GAN: variants seen among roughly 807,000 people sequenced by gnomAD.
The protein encoded by GAN is epididymis secretory sperm binding protein.
GAN carries 48 observed loss-of-function variants against 71.3 expected under a neutral mutation model. That is an observed-to-expected ratio of 0.67 (90% confidence interval 0.53 to 0.86). The LOEUF (loss-of-function observed/expected upper bound fraction) is 0.86, where lower values mean the gene tolerates loss of function less well. Ranked by LOEUF, GAN falls within the 40% of genes least tolerant of loss-of-function variation. GAN has a pLI of 0.00. For missense variants in GAN, 928 were observed against 770.1 expected, an observed-to-expected ratio of 1.21 and a Z score of -2.43; for synonymous variants, 386 against 276.8, an observed-to-expected ratio of 1.39 and a Z score of -3.92.
chr16:81,333,893 A>T (rs577006692), intron 1 of GAN, among the ~76,000 whole-genome samples: 1 of 152,200 alleles, frequency 6.6e-6, no homozygotes. Context: ...GTGCACGTCC[A>T]CAATCCTGGG....
chr16:81,337,634 T>C (rs1909807443), intron 1 of GAN, among the ~76,000 whole-genome samples: 1 of 152,238 alleles, frequency 6.6e-6, no homozygotes, highest in Admixed American at 6.5e-5. Flanking sequence ...CAATTTTAAT[T>C]ACTTACAAGT....
rs1904287185 is a variant in GAN, at chr16:81,377,815, T to G, written c.*219T>G. 1.7e-6 allele frequency: 1 copy of G among 587,732 alleles called. No individual in the cohort carries two copies. Among genetic ancestry groups the G allele is most frequent in the Non-Finnish European group, 3.0e-6 (1 of 328,664 alleles). The allele number at this position is 587,732 out of a possible 1,614,324, so 36.4% of individuals were successfully genotyped here. On this transcript the variant is annotated 3_prime_UTR_variant, in exon 11 of 11. Transcript: ENST00000648994. ...CCTGGGAGGAGTGAGTTCCTCCAGT[T>G]AAATGTGGCTGTAGATGTTGGAGGC... is the stretch of plus-strand genomic sequence containing the variant.
At chr16:81,373,114 C>G (rs1239986589) in intron 9 of GAN, among the ~76,000 whole-genome samples, 7 of 152,260 alleles carry the variant, frequency 4.6e-5, no homozygotes, top group Admixed American at 6.5e-5. Context: ...TTAGAAGAGT[C>G]TAGGAAGAGT....
chr16:81,364,417 C>A (rs1262273420), intron 7 of GAN, among the ~76,000 whole-genome samples: 2 of 152,190 alleles, frequency 1.3e-5, no homozygotes, highest in Non-Finnish European at 1.5e-5. Context: ...AGGTGTGCAC[C>A]ACCACACCCA....
chr16:81,367,289 G>T (rs551038708), intron 9 of GAN, among the ~76,000 whole-genome samples: 1 of 152,210 alleles, frequency 6.6e-6, no homozygotes, highest in African/African-American at 2.4e-5. Context: ...TTGGGAGGCC[G>T]ACGCGGGCAG....
intron 1 of GAN, among the ~76,000 whole-genome samples, chr16:81,349,601 G>A (rs556501428): frequency 7.9e-5 from 12 of 152,238 alleles, no homozygotes; most frequent in Non-Finnish European, 1.2e-4. Flanking sequence ...CCATGATTGC[G>A]CCACTGCACT....
intron 1 of GAN, among the ~76,000 whole-genome samples, chr16:81,346,002 C>T (rs1429125974): frequency 6.6e-6 from 1 of 152,190 alleles, no homozygotes; most frequent in Non-Finnish European, 1.5e-5. Flanking sequence ...CAAGCAAGTA[C>T]AGCTAGCTCT....
At chr16:81,374,709 C>G (rs1247427986) in intron 9 of GAN, among the ~76,000 whole-genome samples, 2 of 152,206 alleles carry the variant, frequency 1.3e-5, no homozygotes, top group Non-Finnish European at 2.9e-5. Context: ...CACCCCCATC[C>G]TTTTTTAAGC....
chr16:81,364,915 G>A lies in GAN; in HGVS notation c.1237-59G>A, dbSNP rs4889313. Reference sequence around the variant, plus strand: ...GTATGGCCCAGACAGTTTAATATCTGTTCACCTGACCTGAATGAGAAATGT... The same window carrying A: ...GTATGGCCCAGACAGTTTAATATCTATTCACCTGACCTGAATGAGAAATGT... On this transcript the variant is annotated intron_variant, in intron 7 of 10. Transcript: ENST00000648994. The A allele has an allele frequency of 0.63, 979,630 of 1,554,898 alleles. 312,741 individuals carry two copies. The highest frequency in any genetic ancestry group is 0.9 in the East Asian group (40,234 of 44,594).
At chr16:81,366,868 G>A (rs1380372009) in intron 9 of GAN, among the ~76,000 whole-genome samples, 7 of 151,682 alleles carry the variant, frequency 4.6e-5, no homozygotes, top group Non-Finnish European at 4.4e-5. Context: ...TCTGTCGCCC[G>A]GGCTAGAGTG....
chr16:81,346,173 G>T (rs998845723), intron 1 of GAN, among the ~76,000 whole-genome samples: 1 of 152,204 alleles, frequency 6.6e-6, no homozygotes, highest in Non-Finnish European at 1.5e-5. Flanking sequence ...TTTGAGCAAA[G>T]AAAATTTAAT....
rs868243999 is a variant in GAN, at chr16:81,363,634, G to T, written c.1087-160G>T. On this transcript the variant is annotated intron_variant, in intron 6 of 10. Transcript: ENST00000648994. ...CCAAGCGTCGTACCCAATAGTTAGT[G>T]TTTCAGCCCTTGCTCCTCTCCCTGT... 2.0e-5 allele frequency among the ~76,000 whole-genome samples: 3 copies of T among 152,160 alleles called. No homozygotes were observed. In the East Asian group the frequency reaches 5.8e-4, roughly 29 times the overall value.
chr16:81,338,547 G>T (rs1286839107), intron 1 of GAN, among the ~76,000 whole-genome samples: 1 of 152,100 alleles, frequency 6.6e-6, no homozygotes, highest in Non-Finnish European at 1.5e-5. Flanking sequence ...GGAAATCTAA[G>T]GCGAAAATGT....
chr16:81,335,158 A>T (rs1191281677), intron 1 of GAN, among the ~76,000 whole-genome samples: 1 of 53,308 alleles, frequency 1.9e-5, no homozygotes, highest in Non-Finnish European at 3.5e-5. Context: ...GGGTGGGGGG[A>T]GGGGTGTTCC....
chr16:81,340,639 A>G (rs745559049), intron 1 of GAN, among the ~76,000 whole-genome samples: 15 of 152,306 alleles, frequency 9.8e-5, no homozygotes, highest in Non-Finnish European at 2.2e-4. Context: ...TAGGTCACCA[A>G]CATCAAAGAC....
intron 1 of GAN, among the ~76,000 whole-genome samples, chr16:81,336,569 T>C (rs753447627): frequency 2.6e-5 from 4 of 151,858 alleles, no homozygotes; most frequent in Non-Finnish European, 5.9e-5. Flanking sequence ...GCTCAAGCGA[T>C]CCTCCCACCT....
intron 1 of GAN, among the ~76,000 whole-genome samples, chr16:81,319,611 G>C (rs1404168973): frequency 6.6e-6 from 1 of 152,082 alleles, no homozygotes; most frequent in African/African-American, 2.4e-5. Flanking sequence ...ACAAAAGTTT[G>C]TTTAGCTCTC....
intron 9 of GAN, among the ~76,000 whole-genome samples, chr16:81,370,833 T>G (rs569314245): frequency 6.6e-6 from 1 of 152,268 alleles, no homozygotes; most frequent in South Asian, 2.1e-4. Context: ...TTCCATCCTT[T>G]TACTTACTTT....
intron 1 of GAN, among the ~76,000 whole-genome samples, chr16:81,341,268 C>G (rs920781702): frequency 1.3e-5 from 2 of 152,068 alleles, no homozygotes; most frequent in African/African-American, 4.8e-5. Context: ...GGCAGGCCAA[C>G]ATTCAAATTC....
Sources: allele counts gnomAD v4.1 joint callset (sites outside exome capture counted in the v4.1 genomes callset), GRCh38; gene constraint gnomAD v4.1.1; transcripts MANE v1.5; gene names NCBI Gene and HGNC (gene_info 2026-07-23, HGNC 2026-07-21).